The following SLK variants were observed in gnomAD, a reference collection of about 807,000 sequenced individuals.
The protein encoded by SLK is STE20-like serine/threonine-protein kinase.
SLK carries 67 observed loss-of-function variants against 147.7 expected under a neutral mutation model. The ratio of observed to expected loss-of-function variants is 0.45; its 90% CI spans 0.37 to 0.56. The LOEUF (loss-of-function observed/expected upper bound fraction) is 0.56, where lower values mean the gene tolerates loss of function less well. Among genes scored for constraint, SLK ranks in the 20% least tolerant of loss-of-function variants. The pLI is 0.00. For synonymous variants in SLK, 441 were observed against 475.0 expected (o/e 0.93, Z 0.93); for missense variants, 1,136 against 1,438.8 (o/e 0.79, Z 3.41).
chr10:104,021,259 A>G (rs1306183807), intron 17 of SLK, among the ~76,000 whole-genome samples: 1 of 152,250 alleles, frequency 6.6e-6, no homozygotes, highest in Admixed American at 6.5e-5. Flanking sequence ...GAATAGATCT[A>G]TTAGGCCAAC....
intron 18 of SLK, among the ~76,000 whole-genome samples, chr10:104,024,158 C>T (rs116894889): frequency 3.9e-4 from 60 of 152,340 alleles, no homozygotes; most frequent in Non-Finnish European, 6.6e-4. Flanking sequence ...TTCAATCAGG[C>T]GCCAATTAAT....
intron 4 of SLK, among the ~76,000 whole-genome samples, chr10:103,995,514 C>T (rs1002062365): frequency 2.0e-5 from 3 of 150,312 alleles, no homozygotes; most frequent in Admixed American, 1.3e-4. Flanking sequence ...GCAACCCCCA[C>T]CTCCTGGGTT....
rs1216467411 is a variant in SLK at position 103,994,831 on chromosome 10, C to G, written c.514+1698C>G. On this transcript the variant is annotated intron_variant, in intron 4 of 18. Transcript: ENST00000369755. Reference sequence around the variant, plus strand: ...TTGCATACTCCTGATGATTGAAGTTCCTTTCTGTATTTCCTTCAGTTTGGC... The same window carrying G: ...TTGCATACTCCTGATGATTGAAGTTGCTTTCTGTATTTCCTTCAGTTTGGC... Among the ~76,000 whole-genome samples the G allele has an allele frequency of 5.3e-5, 8 of 152,144 alleles. No individual in the cohort carries two copies. In the South Asian group the frequency reaches 1.7e-3, roughly 32 times the overall value.
At chr10:103,972,167 T>C (rs1843801165) in intron 1 of SLK, among the ~76,000 whole-genome samples, 1 of 152,254 alleles carries the variant, frequency 6.6e-6, no homozygotes, top group South Asian at 2.1e-4. Flanking sequence ...TATGATGATA[T>C]CACCAATTAT....
At chr10:103,985,635 T>C (rs144159660) in intron 1 of SLK, among the ~76,000 whole-genome samples, 6 of 152,314 alleles carry the variant, frequency 3.9e-5, no homozygotes, top group Non-Finnish European at 8.8e-5. Context: ...TTGCCTTTGA[T>C]TGACTAACAC....
chr10:104,003,073 A>G lies in SLK; in HGVS notation c.1895A>G (p.Glu632Gly), dbSNP rs776260664. The change falls in exon 9 of 19, where the codon GAG (glutamate) becomes GGG (glycine). Residue 632 changes from glutamate (E) to glycine (G), a missense_variant. Glu to Gly is a moderately conservative substitution (Grantham distance 98). Transcript: ENST00000369755. Reference sequence around the variant, plus strand: ...TCAGAGAACATAATGGACATCAATGAGGAACCAGGAACAACTGAAGGTGAA... The same window carrying G: ...TCAGAGAACATAATGGACATCAATGGGGAACCAGGAACAACTGAAGGTGAA... Reference protein sequence around the residue: ...NSSENIMDINEEPGTTEGEEI... With the variant: ...NSSENIMDINGEPGTTEGEEI... The G allele has an allele frequency of 6.2e-7, 1 of 1,614,052 alleles. No individual in the cohort carries two copies. The highest frequency in any genetic ancestry group is 1.1e-5 in the South Asian group (1 of 91,074).
At chr10:104,019,979 A>G in intron 16 of SLK, 57 bp downstream of exon 16, 1 of 1,348,654 alleles carries the variant, frequency 7.4e-7, no homozygotes, top group South Asian at 1.3e-5. Context: ...AATGACCATT[A>G]GAAGTTCTAC....
intron 12 of SLK, among the ~76,000 whole-genome samples, chr10:104,009,969 A>G (rs1375851281): frequency 6.6e-6 from 1 of 152,132 alleles, no homozygotes. Flanking sequence ...TGGTGCTTCT[A>G]CTTGTAAACA....
intron 1 of SLK, among the ~76,000 whole-genome samples, chr10:103,988,565 A>G (rs74154714): frequency 0.031 from 4,739 of 152,268 alleles, 238 homozygotes; most frequent in African/African-American, 0.11. Flanking sequence ...TCCAGCAGAA[A>G]GGGCTTTGGA....
chr10:104,003,814 A>G (rs1844288136), intron 9 of SLK, among the ~76,000 whole-genome samples: 1 of 152,198 alleles, frequency 6.6e-6, no homozygotes, highest in Non-Finnish European at 1.5e-5. Context: ...TCTAGATGCA[A>G]CATTAGCAAG....
chr10:104,010,547 G>C (rs572800901), intron 12 of SLK, among the ~76,000 whole-genome samples: 1 of 152,088 alleles, frequency 6.6e-6, no homozygotes, highest in African/African-American at 2.4e-5. Context: ...TTCTTCGCTG[G>C]TTGTCTTTGG....
intron 12 of SLK, among the ~76,000 whole-genome samples, chr10:104,009,473 GGTATGTGATTTTATTT>G (rs1844371716): frequency 6.6e-6 from 1 of 151,762 alleles, no homozygotes. Flanking sequence ...TGAATGAAAT[GGTATGTGATTTTATTT>G]GATGTGGCTT....
chr10:104,020,074 A>G (rs527964991), intron 16 of SLK, 152 bp downstream of exon 16: 143 of 656,564 alleles, frequency 2.2e-4, no homozygotes, highest in Non-Finnish European at 3.5e-4. Flanking sequence ...CTATAGATAC[A>G]TGGCATATAC....
intron 4 of SLK, among the ~76,000 whole-genome samples, chr10:103,996,554 A>G (rs1844177526): frequency 6.6e-6 from 1 of 151,512 alleles, no homozygotes; most frequent in African/African-American, 2.4e-5. Flanking sequence ...GCCCGTCACC[A>G]CGCCCAGCTA....
chr10:103,995,283 C>T (rs1201507591), intron 4 of SLK, among the ~76,000 whole-genome samples: 2 of 151,946 alleles, frequency 1.3e-5, no homozygotes, highest in Admixed American at 6.6e-5. Context: ...GGGTCTTCCT[C>T]GTGTCTGCTT....
intron 4 of SLK, among the ~76,000 whole-genome samples, chr10:103,997,664 G>T (rs773389495): frequency 1.7e-4 from 26 of 151,590 alleles, no homozygotes; most frequent in Non-Finnish European, 2.9e-4. Context: ...ATTTGCTCTT[G>T]CTTTCCCTAG....
intron 1 of SLK, among the ~76,000 whole-genome samples, chr10:103,972,801 CTAAAAG>C (rs1843811860): frequency 6.6e-6 from 1 of 152,158 alleles, no homozygotes; most frequent in Non-Finnish European, 1.5e-5. Flanking sequence ...TCACAGATTA[CTAAAAG>C]TAATTCTTTT....
chr10:103,995,364 C>G (rs1844153964), intron 4 of SLK, among the ~76,000 whole-genome samples: 2 of 147,864 alleles, frequency 1.4e-5, no homozygotes, highest in African/African-American at 5.0e-5. Context: ...TCAGGCTCAT[C>G]TGTGTATTTC....
rs1844123504 is a variant in SLK, at chr10:103,993,194, A to T, written c.514+61A>T. The T allele has an allele frequency of 4.9e-6, 6 of 1,221,548 alleles. No individual in the cohort carries two copies. In the East Asian group the frequency reaches 1.4e-4, roughly 30 times the overall value. 75.7% of individuals were successfully genotyped at this position (1,221,548 alleles called of 1,614,324 possible). A position where few individuals can be genotyped will look rare whatever the true frequency, so the allele number is the denominator to read the frequency against. ...TACTCTGAAATTTCCATCTTTATGT[A>T]TGTGACTTAATGTGGTTTTATTACT... On this transcript the variant is annotated intron_variant, in intron 4 of 18. Transcript: ENST00000369755.
Sources: allele counts gnomAD v4.1 joint callset (sites outside exome capture counted in the v4.1 genomes callset), GRCh38; gene constraint gnomAD v4.1.1; transcripts MANE v1.5; gene names NCBI Gene and HGNC (gene_info 2026-07-23, HGNC 2026-07-21).